The following ACACB variants were observed in gnomAD, a reference collection of about 807,000 sequenced individuals.
ACACB encodes the protein acetyl-CoA carboxylase 2.
ACACB carries 209 observed loss-of-function variants against 278.8 expected under a neutral mutation model. That is an observed-to-expected ratio of 0.75 (90% CI 0.67 to 0.84). The LOEUF (loss-of-function observed/expected upper bound fraction) is 0.84, where lower values mean the gene tolerates loss of function less well. Among genes scored for constraint, ACACB ranks in the 40% least tolerant of loss-of-function variants. ACACB has a pLI of 0.00. For synonymous variants in ACACB, 1,174 were observed against 1,285.6 expected (o/e 0.91, Z 1.86); for missense variants, 2,850 against 3,269.0 (o/e 0.87, Z 3.13).
chr12:109,260,739 G>C, intron 48 of ACACB, 82 bp downstream of exon 48: 1 of 1,325,922 alleles, frequency 7.5e-7, no homozygotes, highest in Non-Finnish European at 9.9e-7. Context: ...AGATCATGGA[G>C]GGATGCAGTG....
At chr12:109,243,894 T>C (rs937935713) in intron 37 of ACACB, among the ~76,000 whole-genome samples, 9 of 76,482 alleles carry the variant, frequency 1.2e-4, no homozygotes, top group African/African-American at 3.3e-4. Flanking sequence ...TATATATATA[T>C]ATTTATTTAT....
At chr12:109,214,086 C>A (rs2045923676) in intron 22 of ACACB, among the ~76,000 whole-genome samples, 1 of 142,992 alleles carries the variant, frequency 7.0e-6, no homozygotes, top group Admixed American at 7.0e-5. Flanking sequence ...GAGACCCTGT[C>A]TCTACAAAAA....
intron 31 of ACACB, 126 bp downstream of exon 31, chr12:109,234,171 A>G: frequency 3.9e-6 from 3 of 770,080 alleles, no homozygotes; most frequent in Non-Finnish European, 6.5e-6. Flanking sequence ...CTGGCTTCCC[A>G]CTCTAGCTCT....
chr12:109,211,415 A>AT (rs1208113044), intron 21 of ACACB, among the ~76,000 whole-genome samples: 4 of 114,860 alleles, frequency 3.5e-5, no homozygotes, highest in South Asian at 2.6e-4. Flanking sequence ...ATTCCCAGCT[A>AT]TTTTTTTGTA....
intron 13 of ACACB, 106 bp from the exon 14 acceptor site, chr12:109,191,507 C>A: frequency 6.9e-7 from 1 of 1,439,326 alleles, no homozygotes. Flanking sequence ...AGCCACCACA[C>A]CCGGCCACTC....
At chr12:109,161,357 A>G (rs1042438662) in intron 2 of ACACB, among the ~76,000 whole-genome samples, 1 of 152,012 alleles carries the variant, frequency 6.6e-6, no homozygotes, top group Non-Finnish European at 1.5e-5. Context: ...CACTCTGGCC[A>G]ACGTGTAAAA....
chr12:109,254,112 T>A (rs1239457855), intron 43 of ACACB, 102 bp from the exon 44 acceptor site: 3 of 1,431,674 alleles, frequency 2.1e-6, no homozygotes, highest in South Asian at 2.4e-5. Context: ...GGGATATTGC[T>A]GCATAACCAG....
chr12:109,264,208 A>G (rs776166848), intron 49 of ACACB, 24 bp from the exon 50 acceptor site: 1 of 1,611,858 alleles, frequency 6.2e-7, no homozygotes, highest in Non-Finnish European at 8.5e-7. Context: ...CCATGGCTTG[A>G]CTGGCCTTTC....
intron 7 of ACACB, among the ~76,000 whole-genome samples, 197 bp downstream of exon 7, chr12:109,174,427 A>G (rs2044216896): frequency 6.6e-6 from 1 of 152,224 alleles, no homozygotes; most frequent in Non-Finnish European, 1.5e-5. Context: ...TAGGCAATTT[A>G]GAAAATACAA....
At position 109,158,526 on chromosome 12, in the gene ACACB, A is replaced by G. The variant is rs370433727; in HGVS notation, c.654-8335A>G. Among the ~76,000 whole-genome samples the G allele has an allele frequency of 1.4e-4, 21 of 152,272 alleles. No individual in the cohort carries two copies. The East Asian group carries it at 3.7e-3, about 27-fold the overall frequency. ...ACCCCGTCTCTACAAAAATAAACCA[A>G]TTAGTTGGGCATGGTGGTGCACACC... On this transcript the variant is annotated intron_variant, in intron 2 of 52. Coordinates refer to ENST00000338432, the MANE Select transcript of ACACB (RefSeq NM_001093.4).
Position 109,223,629 on chromosome 12 carries a change from G to A in ACACB, c.3793-186G>A, listed in dbSNP as rs17848819. 3.3e-5 allele frequency among the ~76,000 whole-genome samples: 5 copies of A among 152,240 alleles called. No homozygotes were observed. The East Asian group carries it at 7.7e-4, about 24-fold the overall frequency. On this transcript the variant is annotated intron_variant, in intron 26 of 52. Transcript: ENST00000338432. ...ACACAAAAAAAAGAGCCACGATGTT[G>A]GCGCACGCTGTAGTCCCAGCTGCTC...
rs372053398 is a variant in ACACB at position 109,221,894 on chromosome 12, T to TTTGG, written c.3565-613_3565-612insTTGG. ...AATCACTGACCTTTTTTTTTTTTTTTGGGGGGGAGACAGAGTCTGGCTCTG... is the reference window on the plus strand; with the variant it reads ...AATCACTGACCTTTTTTTTTTTTTTTTTGGGGGGGGGAGACAGAGTCTGGCTCTG... On this transcript the variant is annotated intron_variant, in intron 24 of 52. Coordinates refer to ENST00000338432, the MANE Select transcript of ACACB (RefSeq NM_001093.4). Among the ~76,000 whole-genome samples, 188 of 128,262 alleles carry TTTGG rather than the reference T, an allele frequency of 1.5e-3. 5 individuals carry two copies. Among genetic ancestry groups the TTTGG allele is most frequent in the Middle Eastern group, 4.2e-3 (1 of 240 alleles). 84.1% of individuals were successfully genotyped at this position (128,262 alleles called of 152,430 possible).
At chr12:109,178,088 G>A (rs1385883734) in intron 9 of ACACB, among the ~76,000 whole-genome samples, 1 of 152,194 alleles carries the variant, frequency 6.6e-6, no homozygotes, top group East Asian at 1.9e-4. Flanking sequence ...TTTCTCAGAT[G>A]TAACCACTAT....
chr12:109,176,294 C>A, intron 9 of ACACB, 31 bp downstream of exon 9: 1 of 1,577,786 alleles, frequency 6.3e-7, no homozygotes, highest in Non-Finnish European at 8.7e-7. Context: ...CTTTTCGCAT[C>A]TGTCTTTGGG....
intron 1 of ACACB, among the ~76,000 whole-genome samples, chr12:109,117,732 C>T (rs1566133572): frequency 2.0e-5 from 3 of 152,166 alleles, no homozygotes; most frequent in East Asian, 1.9e-4. Flanking sequence ...TGCCCAGGAC[C>T]GGGGAATTCC....
rs771242906 is a variant in ACACB at position 109,216,803 on chromosome 12, C to G, written c.3447C>G (p.Tyr1149Ter). 8.7e-6 allele frequency: 14 copies of G among 1,613,926 alleles called. No individual in the cohort carries two copies. The South Asian group carries it at 1.5e-4, about 18-fold the overall frequency. The change falls in exon 24 of 53, where the codon TAC becomes TAG. Residue 1149 changes from tyrosine to a stop codon, truncating the protein, a stop_gained. Coordinates refer to ENST00000338432, the MANE Select transcript of ACACB (RefSeq NM_001093.4). LOFTEE classifies it high-confidence loss of function. ...RVEHHFQQAH[Y>*]DKCVINLREQ... ...GTGTTTTGTCTCCCCCAGCCCACTA[C>G]GACAAGTGTGTGATAAACCTCAGGG... is the stretch of plus-strand genomic sequence containing the variant.
intron 17 of ACACB, 45 bp from the exon 18 acceptor site, chr12:109,199,357 G>C (rs748933284): frequency 1.5e-5 from 21 of 1,396,588 alleles, no homozygotes; most frequent in Non-Finnish European, 1.7e-5. Flanking sequence ...TTGCTGAGTT[G>C]GTAGTCCTCA....
chr12:109,233,833 G>A lies in ACACB; in HGVS notation c.4225G>A (p.Glu1409Lys), dbSNP rs185761261. The A allele has an allele frequency of 3.0e-5, 48 of 1,614,164 alleles. No homozygotes were observed. The Admixed American group carries it at 5.0e-4, about 17-fold the overall frequency. ...FSEARTSLYS[E>K]DDCKSLREEP... ...CGAGGCCCGCACCTCCCTATACTCC[G>A]AGGATGACTGCAAGGTAAGCGTCTA... Residue 1409 changes from glutamate (E) to lysine (K), a missense_variant, in exon 30 of 53, where the codon GAG (glutamate) becomes AAG (lysine). Transcript: ENST00000338432.
chr12:109,140,347 C>T (rs73197456), intron 2 of ACACB, among the ~76,000 whole-genome samples: 6,885 of 79,970 alleles, frequency 0.086, 674 homozygotes, highest in African/African-American at 0.21. Context: ...TCCTTCCTTC[C>T]TTCCCTCCTT....
Sources: allele counts gnomAD v4.1 joint callset (sites outside exome capture counted in the v4.1 genomes callset), GRCh38; gene constraint gnomAD v4.1.1; transcripts MANE v1.5; gene names NCBI Gene and HGNC (gene_info 2026-07-23, HGNC 2026-07-21).